Variants in COL7A1 observed in about 807,000 individuals in gnomAD.
COL7A1 encodes collagen alpha-1(VII) chain.
A neutral mutation model predicts 456.2 loss-of-function variants in COL7A1; 296 were observed. The observed-to-expected ratio is 0.65, with a 90% CI of 0.59 to 0.71. The LOEUF is 0.71. Ranked by LOEUF, COL7A1 falls within the 30% of genes least tolerant of loss-of-function variation. The pLI is 0.00. For missense variants in COL7A1, 3,441 were observed against 4,017.2 expected (o/e 0.86, Z 3.88); for synonymous variants, 1,464 against 1,525.9 (o/e 0.96, Z 0.95).
In COL7A1 at chr3:48,588,174, C is replaced by A. The variant is rs959650059; in HGVS notation, c.2710+108G>T. 12 of 1,542,458 alleles carry A rather than the reference C, an allele frequency of 7.8e-6. No individual in the cohort carries two copies. The highest frequency in any genetic ancestry group is 1.1e-5 in the Non-Finnish European group (12 of 1,128,380). On this transcript the variant is annotated intron_variant, in intron 21 of 118. Coordinates refer to ENST00000681320, the MANE Select transcript of COL7A1 (RefSeq NM_000094.4). The surrounding 1 kb of genome is among the most constrained non-coding windows in gnomAD (Gnocchi z 4.6). Reference sequence around the variant, plus strand: ...TACCTACTGTCACGGATCCCGCAGACCCCCAGTGACAGACCCCGCCCACCA... The same window carrying A: ...TACCTACTGTCACGGATCCCGCAGAACCCCAGTGACAGACCCCGCCCACCA...
rs146234310 is a variant in COL7A1 at position 48,577,000 on chromosome 3, C to T, written c.5560G>A (p.Gly1854Arg). The T allele has an allele frequency of 9.9e-6, 16 of 1,613,986 alleles. No individual in the cohort carries two copies. The highest frequency in any genetic ancestry group is 8.8e-5 in the South Asian group (8 of 91,088). Residue 1854 changes from glycine to arginine, a missense_variant, in exon 66 of 119, where the codon GGG (glycine) becomes AGG (arginine). By Grantham distance (125) the Gly-to-Arg change is moderately radical (BLOSUM62 -2). This residue lies in a region of COL7A1 where 2,084 missense variants were observed against 2,501.3 expected (regional missense o/e 0.83). Transcript: ENST00000681320. ...NGEPGDPGEDGRKGEKGDSGA... is the reference protein window; with the variant it reads ...NGEPGDPGEDRRKGEKGDSGA... ...CAGGTGGGGGACTTTACCTTCCTCC[C>T]GTCTTCTCCAGGGTCCCCAGGTTCT...
chr3:48,573,394 GGCTCCTGGA>G lies in COL7A1; in HGVS notation c.6619-55_6619-47del. On this transcript the variant is annotated intron_variant, in intron 83 of 118. Coordinates refer to ENST00000681320, the MANE Select transcript of COL7A1 (RefSeq NM_000094.4). This position sits in a 1 kb window ranked among gnomAD's most constrained non-coding sequence, Gnocchi z 5.5. ...GCATGAGCAGAGCCCACGTGGCCAGGGCTCCTGGAGCTCATCCTCATTGCAGGAGATGAC... is the reference window on the plus strand; with the variant it reads ...GCATGAGCAGAGCCCACGTGGCCAGGGCTCATCCTCATTGCAGGAGATGAC... The G allele has an allele frequency of 6.2e-7, 1 of 1,614,008 alleles. No individual in the cohort carries two copies. Among genetic ancestry groups the G allele is most frequent in the Non-Finnish European group, 8.5e-7 (1 of 1,180,010 alleles).
In COL7A1 at chr3:48,569,405, A is replaced by C. The variant is rs573229455; in HGVS notation, c.7656T>G (p.Pro2552=). 3.7e-6 allele frequency: 6 copies of C among 1,613,912 alleles called. No individual in the cohort carries two copies. In the African/African-American group the frequency reaches 8.0e-5, roughly 22 times the overall value. The part of the protein sequence containing the change: ...GPRGLDGDKG[P]RGDNGDPGDK... Reference sequence around the variant, plus strand: ...CACCAGGGTCCCCATTGTCTCCCCGAGGTCCTTTGTCACCATCCAAGCCCC... The same window carrying C: ...CACCAGGGTCCCCATTGTCTCCCCGCGGTCCTTTGTCACCATCCAAGCCCC... Residue 2552 remains proline, a synonymous_variant, in exon 103 of 119, where the codon CCT becomes CCG. Coordinates refer to ENST00000681320, the MANE Select transcript of COL7A1 (RefSeq NM_000094.4). This position sits in a 1 kb window ranked among gnomAD's most constrained non-coding sequence, Gnocchi z 4.9.
chr3:48,574,354 CTCCACCCACCA>C lies in COL7A1; in HGVS notation c.6457-59_6457-49del. 6.2e-7 allele frequency: 1 copy of C among 1,613,922 alleles called. No individual in the cohort carries two copies. Among genetic ancestry groups the C allele is most frequent in the Non-Finnish European group, 8.5e-7 (1 of 1,179,800 alleles). Reference sequence around the variant, plus strand: ...CTTAGTTTCCCAGTTCCAACTTCCCCTCCACCCACCATCCCCCTAGACAGAGTCAGGACCCA... The same window carrying C: ...CTTAGTTTCCCAGTTCCAACTTCCCCTCCCCCTAGACAGAGTCAGGACCCA... On this transcript the variant is annotated intron_variant, in intron 79 of 118. Transcript: ENST00000681320. The surrounding 1 kb of genome is among the most constrained non-coding windows in gnomAD (Gnocchi z 5.0).
At position 48,569,340 on chromosome 3, in the gene COL7A1, AC is replaced by A. The variant is rs746155596; in HGVS notation, c.7686+34del. The A allele has an allele frequency of 1.2e-6, 2 of 1,610,678 alleles. No individual in the cohort carries two copies. Among genetic ancestry groups the A allele is most frequent in the Non-Finnish European group, 1.7e-6 (2 of 1,177,360 alleles). Reference sequence around the variant, plus strand: ...GCTGTGGAACCACCACAGCCACAGGACCCCACAGAGAGTACACCACCCTCTT... The same window carrying A: ...GCTGTGGAACCACCACAGCCACAGGACCCACAGAGAGTACACCACCCTCTT... On this transcript the variant is annotated intron_variant, in intron 103 of 118. Coordinates refer to ENST00000681320, the MANE Select transcript of COL7A1 (RefSeq NM_000094.4). This position sits in a 1 kb window ranked among gnomAD's most constrained non-coding sequence, Gnocchi z 4.9.
chr3:48,579,353 C>T lies in COL7A1; in HGVS notation c.5307+16G>A. On this transcript the variant is annotated intron_variant, in intron 61 of 118. Transcript: ENST00000681320. The surrounding 1 kb of genome is among the most constrained non-coding windows in gnomAD (Gnocchi z 4.4). ...AACCCAGGCTCATGTCCTGAGAAAC[C>T]CCCACACCCTCTCACCTTTTCTCCT... 6.2e-7 allele frequency: 1 copy of T among 1,614,150 alleles called. No individual in the cohort carries two copies. Among genetic ancestry groups the T allele is most frequent in the Non-Finnish European group, 8.5e-7 (1 of 1,180,016 alleles).
rs1198490093 is a variant in COL7A1 at position 48,592,135 on chromosome 3, C to T, written c.1207G>A (p.Val403Met). ...GCCATCAGGGAAGTGGCGGGCCCCA[C>T]ACTGCGGCCAAATAGGGTGCTCACG... ...VTVSTLFGRS[V>M]GPATSLMART... The change falls in exon 10 of 119, where the codon GTG becomes ATG. Residue 403 changes from valine (V) to methionine (M), a missense_variant. Coordinates refer to ENST00000681320, the MANE Select transcript of COL7A1 (RefSeq NM_000094.4). The surrounding 1 kb of genome is among the most constrained non-coding windows in gnomAD (Gnocchi z 7.6). The T allele has an allele frequency of 1.9e-6, 3 of 1,614,096 alleles. No homozygotes were observed. Among genetic ancestry groups the T allele is most frequent in the Admixed American group, 3.3e-5 (2 of 60,028 alleles).
In COL7A1 at chr3:48,569,686, C is replaced by T; in HGVS notation, c.7558-38G>A. ...GCAGGAATCAGAGGAGTCGGGAGCA[C>T]CCTGGCCCCTGCCCTGCCCTCCCCA... On this transcript the variant is annotated intron_variant, in intron 101 of 118. Coordinates refer to ENST00000681320, the MANE Select transcript of COL7A1 (RefSeq NM_000094.4). This position sits in a 1 kb window ranked among gnomAD's most constrained non-coding sequence, Gnocchi z 4.9. The T allele has an allele frequency of 6.2e-7, 1 of 1,614,118 alleles. No homozygotes were observed. Among genetic ancestry groups the T allele is most frequent in the Non-Finnish European group, 8.5e-7 (1 of 1,180,006 alleles).
Position 48,588,146 on chromosome 3 carries a change from T to A in COL7A1, c.2710+136A>T. 2 of 1,421,828 alleles carry A rather than the reference T, an allele frequency of 1.4e-6. No homozygotes were observed. The highest frequency in any genetic ancestry group is 2.4e-5 in the South Asian group (2 of 81,670). 88.1% of individuals were successfully genotyped at this position (1,421,828 alleles called of 1,614,324 possible). A position where few individuals can be genotyped will look rare whatever the true frequency, so the allele number is the denominator to read the frequency against. On this transcript the variant is annotated intron_variant, in intron 21 of 118. Transcript: ENST00000681320. The surrounding 1 kb of genome is among the most constrained non-coding windows in gnomAD (Gnocchi z 4.6). ...TGATCCCACCCACTTCATTGATTGA[T>A]CTTACCTACTGTCACGGATCCCGCA...
chr3:48,589,283 GT>G (rs1440624466), intron 18 of COL7A1, 43 bp downstream of exon 18: 1 of 1,610,752 alleles, frequency 6.2e-7, no homozygotes, highest in African/African-American at 1.3e-5. Flanking sequence ...GCAGGGCAGG[GT>G]AGCTAATGCG....
Position 48,585,216 on chromosome 3 carries a change from C to T in COL7A1, c.3895-100G>A. On this transcript the variant is annotated intron_variant, in intron 32 of 118. Coordinates refer to ENST00000681320, the MANE Select transcript of COL7A1 (RefSeq NM_000094.4). The surrounding 1 kb of genome is among the most constrained non-coding windows in gnomAD (Gnocchi z 4.5). ...CATCAACAAGGGGTCGCCTACCCCA[C>T]TGACCCCCAAGTGTTATTGGGGGTG... 8.5e-7 allele frequency: 1 copy of T among 1,180,910 alleles called. No individual in the cohort carries two copies. Among genetic ancestry groups the T allele is most frequent in the Non-Finnish European group, 1.2e-6 (1 of 817,760 alleles). The allele number at this position is 1,180,910 out of a possible 1,614,324, so 73.2% of individuals were successfully genotyped here. A position where few individuals can be genotyped will look rare whatever the true frequency, so the allele number is the denominator to read the frequency against.
chr3:48,587,859 G>A lies in COL7A1; in HGVS notation c.2791C>T (p.Arg931Cys), dbSNP rs143979792. 328 of 1,612,936 alleles carry A rather than the reference G, an allele frequency of 2.0e-4. 1 individual carries two copies. Among genetic ancestry groups the A allele is most frequent in the South Asian group, 4.1e-4 (37 of 91,018 alleles). Residue 931 changes from arginine to cysteine, a missense_variant, in exon 22 of 119, where the codon CGC becomes TGC. Arg to Cys is a radical substitution (Grantham distance 180). Coordinates refer to ENST00000681320, the MANE Select transcript of COL7A1 (RefSeq NM_000094.4). This position sits in a 1 kb window ranked among gnomAD's most constrained non-coding sequence, Gnocchi z 6.1. ...LDGLEPATQY[R>C]VRLSVLGPAG... ...GGCCCTAGGACACTCAGCCTCACGCGGTACTGTGTCGCTGGCTCCAGCCCG... is the reference window on the plus strand; with the variant it reads ...GGCCCTAGGACACTCAGCCTCACGCAGTACTGTGTCGCTGGCTCCAGCCCG...
At position 48,578,402 on chromosome 3, in the gene COL7A1, G is replaced by C. The variant is rs773718530; in HGVS notation, c.5488-37C>G. The C allele has an allele frequency of 8.1e-6, 13 of 1,613,428 alleles. No homozygotes were observed. The highest frequency in any genetic ancestry group is 1.0e-5 in the Non-Finnish European group (12 of 1,180,022). Reference sequence around the variant, plus strand: ...GATCACTGGTTGGATGTCGGGGATCGGGTGAGGGTAGTAAGGGGGAAAAGG... The same window carrying C: ...GATCACTGGTTGGATGTCGGGGATCCGGTGAGGGTAGTAAGGGGGAAAAGG... On this transcript the variant is annotated intron_variant, in intron 64 of 118. Transcript: ENST00000681320. The surrounding 1 kb of genome is among the most constrained non-coding windows in gnomAD (Gnocchi z 4.7).
Position 48,566,890 on chromosome 3 carries a change from G to C in COL7A1, c.8226+17C>G. The C allele has an allele frequency of 1.3e-6, 2 of 1,592,428 alleles. No homozygotes were observed. Among genetic ancestry groups the C allele is most frequent in the Non-Finnish European group, 1.7e-6 (2 of 1,167,214 alleles). ...GGGAAGGTTCAGGGATCAGGAGTCAGAGCTGGGGCCCCTTACCTTCTGGCC... is the reference window on the plus strand; with the variant it reads ...GGGAAGGTTCAGGGATCAGGAGTCACAGCTGGGGCCCCTTACCTTCTGGCC... On this transcript the variant is annotated intron_variant, in intron 111 of 118. Transcript: ENST00000681320. The surrounding 1 kb of genome is among the most constrained non-coding windows in gnomAD (Gnocchi z 5.9).
At position 48,572,921 on chromosome 3, in the gene COL7A1, C is replaced by T. The variant is rs1483117159; in HGVS notation, c.6772G>A (p.Ala2258Thr). The change falls in exon 87 of 119, where the codon GCC (alanine) becomes ACC (threonine). Residue 2258 changes from alanine to threonine, a missense_variant. Coordinates refer to ENST00000681320, the MANE Select transcript of COL7A1 (RefSeq NM_000094.4). This position sits in a 1 kb window ranked among gnomAD's most constrained non-coding sequence, Gnocchi z 4.6. ...GQVGETGKPG[A>T]PGRDGASGKD... ...CCACTGGCACCATCTCGACCTGGGGCTCCCGGCTTCCCTGTCTCCCCCTGA... is the reference window on the plus strand; with the variant it reads ...CCACTGGCACCATCTCGACCTGGGGTTCCCGGCTTCCCTGTCTCCCCCTGA... 5.6e-6 allele frequency: 9 copies of T among 1,613,976 alleles called. No homozygotes were observed. Among genetic ancestry groups the T allele is most frequent in the Non-Finnish European group, 7.6e-6 (9 of 1,180,006 alleles).
Position 48,586,807 on chromosome 3 carries a change from G to A in COL7A1, c.3277-118C>T. 1.3e-6 allele frequency: 2 copies of A among 1,502,234 alleles called. No individual in the cohort carries two copies. The highest frequency in any genetic ancestry group is 9.0e-7 in the Non-Finnish European group (1 of 1,107,360). 93.1% of individuals were successfully genotyped at this position (1,502,234 alleles called of 1,614,324 possible). A position where few individuals can be genotyped will look rare whatever the true frequency, so the allele number is the denominator to read the frequency against. ...CCAAACCCTATCTATTAGGGAGTCAGCAGTGATGGCAGGATAGGGAGCCAG... is the reference window on the plus strand; with the variant it reads ...CCAAACCCTATCTATTAGGGAGTCAACAGTGATGGCAGGATAGGGAGCCAG... On this transcript the variant is annotated intron_variant, in intron 25 of 118. Transcript: ENST00000681320. This position sits in a 1 kb window ranked among gnomAD's most constrained non-coding sequence, Gnocchi z 5.1.
In COL7A1 at chr3:48,588,247, A is replaced by G. The variant is rs28581474; in HGVS notation, c.2710+35T>C. The G allele has an allele frequency of 8.7e-5, 141 of 1,612,604 alleles. No individual in the cohort carries two copies. Among genetic ancestry groups the G allele is most frequent in the Middle Eastern group, 6.6e-4 (4 of 6,062 alleles). On this transcript the variant is annotated intron_variant, in intron 21 of 118. Coordinates refer to ENST00000681320, the MANE Select transcript of COL7A1 (RefSeq NM_000094.4). This position sits in a 1 kb window ranked among gnomAD's most constrained non-coding sequence, Gnocchi z 4.6. ...GGAGTCTGCCACAGCCCTGCCCCCA[A>G]TGGTCCCTAACTTCCTCCTGGGGAC... is the stretch of plus-strand genomic sequence containing the variant.
At position 48,586,879 on chromosome 3, in the gene COL7A1, G is replaced by C; in HGVS notation, c.3276+93C>G. The C allele has an allele frequency of 6.5e-7, 1 of 1,542,512 alleles. No individual in the cohort carries two copies. Among genetic ancestry groups the C allele is most frequent in the East Asian group, 2.4e-5 (1 of 40,938 alleles). ...CTGTGAGAGAGCTGGGAGAATGCCTGAACCTATTGGGTGGTCAGGAGATGG... is the reference window on the plus strand; with the variant it reads ...CTGTGAGAGAGCTGGGAGAATGCCTCAACCTATTGGGTGGTCAGGAGATGG... On this transcript the variant is annotated intron_variant, in intron 25 of 118. Transcript: ENST00000681320. This position sits in a 1 kb window ranked among gnomAD's most constrained non-coding sequence, Gnocchi z 5.1.
rs756547889 is a variant in COL7A1 at position 48,586,508 on chromosome 3, G to T, written c.3404-30C>A. Reference sequence around the variant, plus strand: ...AAGGAAGGACATGTCAGAACCCTGGGGCACCAAGCTCCCAGTGGATAGCCC... The same window carrying T: ...AAGGAAGGACATGTCAGAACCCTGGTGCACCAAGCTCCCAGTGGATAGCCC... On this transcript the variant is annotated intron_variant, in intron 26 of 118. Coordinates refer to ENST00000681320, the MANE Select transcript of COL7A1 (RefSeq NM_000094.4). The surrounding 1 kb of genome is among the most constrained non-coding windows in gnomAD (Gnocchi z 5.1). 1 of 1,613,734 alleles carries T rather than the reference G, an allele frequency of 6.2e-7. No individual in the cohort carries two copies. The highest frequency in any genetic ancestry group is 2.2e-5 in the East Asian group (1 of 44,890).
Sources: gnomAD v4.1 joint callset for allele counts on GRCh38, gnomAD v4.1.1 for gene constraint, gnomAD v4.1.1 regional missense constraint, Gnocchi (gnomAD v3.1) non-coding constraint, MANE v1.5 for transcripts, NCBI Gene and HGNC (gene_info 2026-07-23, HGNC 2026-07-21) for gene names.